The following MAST4 variants were observed in gnomAD, a reference collection of about 807,000 sequenced individuals.
The protein encoded by MAST4 is microtubule-associated serine/threonine-protein kinase 4.
Under a neutral mutation model 162.7 loss-of-function variants are expected in MAST4, and 89 were observed. That is an observed-to-expected ratio of 0.55 (90% CI 0.46 to 0.65). The LOEUF is 0.65. Ranked by LOEUF, MAST4 falls within the 30% of genes least tolerant of loss-of-function variation. The probability of loss-of-function intolerance (pLI) is 0.00; values close to 1 mark genes in which losing one functional copy is unlikely to be tolerated. For synonymous variants in MAST4, 1,479 were observed against 1,361.1 expected (o/e 1.09, Z -1.91); for missense variants, 3,153 against 3,374.0 (o/e 0.93, Z 1.62).
intron 3 of MAST4, among the ~76,000 whole-genome samples, chr5:66,838,980 G>A (rs185155998): frequency 3.3e-5 from 5 of 152,260 alleles, no homozygotes; most frequent in Non-Finnish European, 5.9e-5. Context: ...GAATGCTTAG[G>A]AAGAGGCCAA....
intron 2 of MAST4, among the ~76,000 whole-genome samples, chr5:66,779,566 T>C (rs985302067): frequency 6.6e-6 from 1 of 152,150 alleles, no homozygotes; most frequent in Non-Finnish European, 1.5e-5. Context: ...GGTCATTCTT[T>C]TGCAGTGAGG....
intron 1 of MAST4, among the ~76,000 whole-genome samples, chr5:66,603,303 G>A (rs1327295509): frequency 6.6e-6 from 1 of 152,148 alleles, no homozygotes; most frequent in Non-Finnish European, 1.5e-5. Context: ...TTTTGCTCAT[G>A]GAACCTGTTC....
chr5:66,891,033 G>A (rs1762330591), intron 3 of MAST4, among the ~76,000 whole-genome samples: 1 of 152,188 alleles, frequency 6.6e-6, no homozygotes, highest in African/African-American at 2.4e-5. Context: ...CATGAATGAT[G>A]TTTAACTTTT....
chr5:67,136,379 T>C lies in MAST4; in HGVS notation c.2393-184T>C, dbSNP rs184110416. Among the ~76,000 whole-genome samples the C allele has an allele frequency of 1.2e-4, 18 of 152,332 alleles. No homozygotes were observed. The East Asian group carries it at 3.5e-3, about 29-fold the overall frequency. On this transcript the variant is annotated intron_variant, in intron 18 of 28. Coordinates refer to ENST00000403625, the MANE Select transcript of MAST4 (RefSeq NM_001164664.2). ...TACTTATGTCTTGTAAAATAATGCTTCTCAAACATGACTGTGTTTAGGAAT... is the reference window on the plus strand; with the variant it reads ...TACTTATGTCTTGTAAAATAATGCTCCTCAAACATGACTGTGTTTAGGAAT...
intron 6 of MAST4, among the ~76,000 whole-genome samples, chr5:67,091,261 G>C (rs1217074907): frequency 6.6e-6 from 1 of 152,184 alleles, no homozygotes; most frequent in Non-Finnish European, 1.5e-5. Flanking sequence ...CATTTTCAGA[G>C]TTCTGTGTAA....
chr5:66,902,748 TCACTTTTCCAGAGG>T (rs1763092062), intron 4 of MAST4: 1 of 462,054 alleles, frequency 2.2e-6, no homozygotes, highest in African/African-American at 2.0e-5. Context: ...TAACTCCAGA[TCACTTTTCCAGAGG>T]CATTCCAGCT....
chr5:67,160,652 C>G, intron 27 of MAST4, 60 bp downstream of exon 27: 1 of 1,539,374 alleles, frequency 6.5e-7, no homozygotes, highest in East Asian at 2.3e-5. Context: ...GAAAAGTTAC[C>G]CCTTAATTAA....
intron 3 of MAST4, among the ~76,000 whole-genome samples, chr5:66,826,092 T>C (rs536751903): frequency 6.6e-6 from 1 of 152,194 alleles, no homozygotes; most frequent in African/African-American, 2.4e-5. Context: ...TACTATTCCC[T>C]CCGCTAAGCC....
chr5:67,001,614 AAT>A (rs1751308825), intron 4 of MAST4: 1 of 152,200 alleles, frequency 6.6e-6, no homozygotes, highest in Admixed American at 6.5e-5. Context: ...CAAGAGAAGA[AAT>A]AAACATTTTA....
intron 4 of MAST4, among the ~76,000 whole-genome samples, chr5:66,998,089 G>C (rs1750876427): frequency 6.6e-6 from 1 of 152,132 alleles, no homozygotes; most frequent in African/African-American, 2.4e-5. Context: ...AAATATTCAA[G>C]AAAAGAAGAA....
intron 4 of MAST4, among the ~76,000 whole-genome samples, chr5:66,957,678 T>C (rs1402952273): frequency 5.9e-5 from 9 of 152,178 alleles, no homozygotes; most frequent in African/African-American, 2.2e-4. Context: ...AAGTTGATAG[T>C]TAAGGATGTA....
chr5:67,104,238 T>G (rs1409083188), intron 9 of MAST4, 128 bp from the exon 10 acceptor site: 1 of 699,744 alleles, frequency 1.4e-6, no homozygotes, highest in Non-Finnish European at 2.5e-6. Context: ...TCTTTTAAAT[T>G]TGATTTCTAG....
intron 1 of MAST4, among the ~76,000 whole-genome samples, chr5:66,615,247 A>G (rs536944959): frequency 2.0e-5 from 3 of 152,312 alleles, no homozygotes; most frequent in African/African-American, 7.2e-5. Context: ...GTTGGAGCCC[A>G]GTAAACCTTT....
intron 3 of MAST4, among the ~76,000 whole-genome samples, chr5:66,806,134 C>T (rs1756174502): frequency 6.6e-6 from 1 of 152,190 alleles, no homozygotes; most frequent in Non-Finnish European, 1.5e-5. Flanking sequence ...TTATTCAGAA[C>T]ATCCTCTGCC....
At chr5:66,674,668 C>T (rs2149477282) in intron 1 of MAST4, among the ~76,000 whole-genome samples, 1 of 152,294 alleles carries the variant, frequency 6.6e-6, no homozygotes, top group Admixed American at 6.5e-5. Flanking sequence ...TTACAACTGA[C>T]CCATCTTTCA....
chr5:66,688,551 TCTCTTTATAC>T (rs1341203658), intron 1 of MAST4, among the ~76,000 whole-genome samples: 1 of 152,168 alleles, frequency 6.6e-6, no homozygotes, highest in Non-Finnish European at 1.5e-5. Flanking sequence ...GAGGTTGCTG[TCTCTTTATAC>T]CTCTTATTCT....
intron 1 of MAST4, among the ~76,000 whole-genome samples, chr5:66,611,753 T>C (rs997049301): frequency 6.6e-6 from 1 of 152,244 alleles, no homozygotes; most frequent in Non-Finnish European, 1.5e-5. Context: ...AGATGGGCAC[T>C]GTCTTGAATT....
intron 15 of MAST4, among the ~76,000 whole-genome samples, 156 bp downstream of exon 15, chr5:67,130,574 T>C (rs1347686210): frequency 6.6e-6 from 1 of 152,178 alleles, no homozygotes; most frequent in Non-Finnish European, 1.5e-5. Flanking sequence ...TATCTTCTGA[T>C]AATTGCTTGT....
At chr5:67,094,090 A>G in intron 6 of MAST4, 3 of 1,031,204 alleles carry the variant, frequency 2.9e-6, no homozygotes, top group Non-Finnish European at 4.3e-6. Flanking sequence ...TGGTATATTT[A>G]CATACATCTT....
Sources: allele counts gnomAD v4.1 joint callset (sites outside exome capture counted in the v4.1 genomes callset), GRCh38; gene constraint gnomAD v4.1.1; transcripts MANE v1.5; gene names NCBI Gene and HGNC (gene_info 2026-07-23, HGNC 2026-07-21).